The following GRIN2B variants were observed in gnomAD, a reference collection of about 807,000 sequenced individuals.
GRIN2B encodes glutamate receptor ionotropic, NMDA 2B.
In GRIN2B, 5 loss-of-function variants were observed where a neutral mutation model predicts 114.5. The observed-to-expected ratio is 0.04, with a 90% CI of 0.02 to 0.09. The LOEUF (loss-of-function observed/expected upper bound fraction) is 0.09, where lower values mean the gene tolerates loss of function less well. Ranked by LOEUF, GRIN2B falls within the 10% of genes least tolerant of loss-of-function variation. The pLI is 1.00. For synonymous variants in GRIN2B, 787 were observed against 745.1 expected (o/e 1.06, Z -0.92); for missense variants, 1,108 against 1,943.5 (o/e 0.57, Z 8.08).
intron 2 of GRIN2B, among the ~76,000 whole-genome samples, chr12:13,920,028 G>T (rs1189801242): frequency 6.6e-6 from 1 of 152,134 alleles, no homozygotes; most frequent in Non-Finnish European, 1.5e-5. Context: ...TATCTCTGAA[G>T]AGGCCTAGGG....
chr12:13,938,485 A>C (rs1867170406), intron 2 of GRIN2B, among the ~76,000 whole-genome samples: 1 of 152,190 alleles, frequency 6.6e-6, no homozygotes, highest in Non-Finnish European at 1.5e-5. Flanking sequence ...ATAATCAAAA[A>C]CTGGAAATGA....
chr12:13,759,609 T>C (rs944935019), intron 3 of GRIN2B, among the ~76,000 whole-genome samples: 2 of 152,194 alleles, frequency 1.3e-5, no homozygotes, highest in African/African-American at 4.8e-5. Context: ...GACTTTGATA[T>C]TGACAACGCC....
chr12:13,654,750 T>G (rs974247659), intron 5 of GRIN2B, among the ~76,000 whole-genome samples: 1 of 152,150 alleles, frequency 6.6e-6, no homozygotes, highest in Admixed American at 6.6e-5. Flanking sequence ...GGTGGTATTG[T>G]CCAGATAACT....
At chr12:13,607,408 A>T (rs12427328) in intron 10 of GRIN2B, among the ~76,000 whole-genome samples, 2,220 of 55,722 alleles carry the variant, frequency 0.04, 225 homozygotes, top group African/African-American at 0.2. Context: ...ATAATATATA[A>T]AATATATAAT....
chr12:13,837,452 G>C (rs1010937651), intron 3 of GRIN2B, among the ~76,000 whole-genome samples: 1 of 152,206 alleles, frequency 6.6e-6, no homozygotes, highest in Non-Finnish European at 1.5e-5. Context: ...ATGGTGCCTG[G>C]CCCATTTGCA....
chr12:13,604,782 CTCTT>C (rs113203273), intron 10 of GRIN2B, among the ~76,000 whole-genome samples: 20 of 151,682 alleles, frequency 1.3e-4, no homozygotes, highest in African/African-American at 4.1e-4. Context: ...TCAGGAAACT[CTCTT>C]TCTGATTTAT....
At chr12:13,971,823 T>G (rs1251853039) in intron 2 of GRIN2B, among the ~76,000 whole-genome samples, 2 of 152,136 alleles carry the variant, frequency 1.3e-5, no homozygotes, top group Non-Finnish European at 2.9e-5. Flanking sequence ...TCTCCCTAAG[T>G]TTCCTAACTT....
Position 13,562,767 on chromosome 12 carries a change from C to T in GRIN2B, c.*16G>A. On this transcript the variant is annotated 3_prime_UTR_variant, in exon 14 of 14. Coordinates refer to ENST00000609686, the MANE Select transcript of GRIN2B (RefSeq NM_000834.5). Reference sequence around the variant, plus strand: ...CTTACCCTCCCGTACCCACCTTAACCTCTCTGTTCCCTCACTCAGACATCA... The same window carrying T: ...CTTACCCTCCCGTACCCACCTTAACTTCTCTGTTCCCTCACTCAGACATCA... 6.2e-7 allele frequency: 1 copy of T among 1,608,384 alleles called. No individual in the cohort carries two copies. Among genetic ancestry groups the T allele is most frequent in the Non-Finnish European group, 8.5e-7 (1 of 1,174,730 alleles).
At chr12:13,811,200 C>T (rs1409934056) in intron 3 of GRIN2B, among the ~76,000 whole-genome samples, 1 of 152,204 alleles carries the variant, frequency 6.6e-6, no homozygotes, top group Non-Finnish European at 1.5e-5. Context: ...ACCAAACACT[C>T]TCTCCTCCTA....
chr12:13,607,409 A>ATATATATTATATATAATATATATT (rs1949292483), intron 10 of GRIN2B, among the ~76,000 whole-genome samples: 1 of 59,564 alleles, frequency 1.7e-5, no homozygotes, highest in African/African-American at 1.2e-4. Context: ...TAATATATAA[A>ATATATATTATATATAATATATATT]ATATATAATA....
intron 3 of GRIN2B, among the ~76,000 whole-genome samples, chr12:13,812,156 A>C (rs1413979376): frequency 1.3e-5 from 2 of 152,182 alleles, no homozygotes; most frequent in Admixed American, 1.3e-4. Context: ...ACCTCCATAA[A>C]AATCGATTGA....
intron 3 of GRIN2B, among the ~76,000 whole-genome samples, chr12:13,827,021 G>GTT (rs140999042): frequency 1.3e-4 from 19 of 143,136 alleles, no homozygotes; most frequent in South Asian, 2.2e-4. Context: ...TTGTTGAGAG[G>GTT]TTTTTTTTTT....
At chr12:13,632,509 T>C (rs1244685629) in intron 5 of GRIN2B, among the ~76,000 whole-genome samples, 1 of 152,236 alleles carries the variant, frequency 6.6e-6, no homozygotes, top group Non-Finnish European at 1.5e-5. Context: ...CAGTTAACTT[T>C]TCACAGGGGT....
chr12:13,674,867 T>C (rs1275018507), intron 5 of GRIN2B, among the ~76,000 whole-genome samples: 1 of 152,156 alleles, frequency 6.6e-6, no homozygotes, highest in African/African-American at 2.4e-5. Flanking sequence ...GGTTAGTATG[T>C]TCCAAGACTC....
At chr12:13,594,643 T>C (rs1428265255) in intron 10 of GRIN2B, among the ~76,000 whole-genome samples, 1 of 150,298 alleles carries the variant, frequency 6.7e-6, no homozygotes, top group African/African-American at 2.4e-5. Context: ...CCGCACATTC[T>C]GCACATGTAC....
At chr12:13,876,831 C>T (rs1865997768) in intron 2 of GRIN2B, among the ~76,000 whole-genome samples, 1 of 151,326 alleles carries the variant, frequency 6.6e-6, no homozygotes, top group African/African-American at 2.5e-5. Context: ...TATCTATCTC[C>T]AGTACTTGGC....
chr12:13,754,474 C>T (rs936625398), intron 3 of GRIN2B, among the ~76,000 whole-genome samples: 1 of 152,206 alleles, frequency 6.6e-6, no homozygotes, highest in African/African-American at 2.4e-5. Flanking sequence ...ATAAACCTAT[C>T]TACGGAGGTG....
intron 2 of GRIN2B, among the ~76,000 whole-genome samples, chr12:13,949,563 G>C (rs1232421817): frequency 6.6e-6 from 1 of 152,114 alleles, no homozygotes; most frequent in Admixed American, 6.6e-5. Flanking sequence ...AACTGTGAGG[G>C]ACTCTATGGC....
In GRIN2B at chr12:13,563,895, G is replaced by A. The variant is rs370908319; in HGVS notation, c.3343C>T (p.Arg1115Cys). 2 of 1,614,126 alleles carry A rather than the reference G, an allele frequency of 1.2e-6. No homozygotes were observed. Among genetic ancestry groups the A allele is most frequent in the Non-Finnish European group, 8.5e-7 (1 of 1,180,012 alleles). Residue 1115 changes from arginine (R) to cysteine (C), a missense_variant, in exon 14 of 14, where the codon CGC becomes TGC. Physicochemically the swap from Arg to Cys is radical, Grantham distance 180. Coordinates refer to ENST00000609686, the MANE Select transcript of GRIN2B (RefSeq NM_000834.5). Reference protein sequence around the residue: ...IELAYRRRPPRSPDHKRYFRD... With the variant: ...IELAYRRRPPCSPDHKRYFRD... ...AAGTAGCGCTTGTGGTCAGGGGAGC[G>A]GGGCGGTCGGCGACGGTAGGCCAGC...
Sources: gnomAD v4.1 joint callset for allele counts (sites outside exome capture counted in the v4.1 genomes callset) on GRCh38, gnomAD v4.1.1 for gene constraint, MANE v1.5 for transcripts, NCBI Gene and HGNC (gene_info 2026-07-23, HGNC 2026-07-21) for gene names.